The following SH3TC1 variants were observed in gnomAD, a reference collection of about 807,000 sequenced individuals.
SH3TC1 encodes the protein SH3 domain and tetratricopeptide repeats 1.
A neutral mutation model predicts 117.3 loss-of-function variants in SH3TC1; 135 were observed. The ratio of observed to expected loss-of-function variants is 1.15; its 90% CI spans 1.00 to 1.33. The LOEUF (loss-of-function observed/expected upper bound fraction) is 1.33, where lower values mean the gene tolerates loss of function less well. Ranked by LOEUF, SH3TC1 falls within the 40% of genes most tolerant of loss-of-function variation. The pLI is 0.00. For missense variants in SH3TC1, 2,092 were observed against 1,794.3 expected (o/e 1.17, Z -3.00); for synonymous variants, 898 against 816.9 (o/e 1.10, Z -1.69).
In SH3TC1 at chr4:8,241,081, GTTTT is replaced by G; in HGVS notation, c.*127_*130del. On this transcript the variant is annotated 3_prime_UTR_variant, in exon 18 of 18. Transcript: ENST00000245105. ...GCAGGGGCCAAATAGCAATAAATGGGTTTTGTTTTTTTTTTGCAATAACTTATTG... is the reference window on the plus strand; with the variant it reads ...GCAGGGGCCAAATAGCAATAAATGGGGTTTTTTTTTTGCAATAACTTATTG... 1 of 1,332,756 alleles carries G rather than the reference GTTTT, an allele frequency of 7.5e-7. No homozygotes were observed. The highest frequency in any genetic ancestry group is 1.0e-6 in the Non-Finnish European group (1 of 997,318). 82.6% of individuals were successfully genotyped at this position (1,332,756 alleles called of 1,614,324 possible). A position where few individuals can be genotyped will look rare whatever the true frequency, so the allele number is the denominator to read the frequency against.
chr4:8,189,218 A>G (rs1578634134), intron 1 of SH3TC1, among the ~76,000 whole-genome samples: 1 of 152,224 alleles, frequency 6.6e-6, no homozygotes, highest in African/African-American at 2.4e-5. Flanking sequence ...ACGCTTGCAG[A>G]GTGTGGTGCT....
intron 17 of SH3TC1, among the ~76,000 whole-genome samples, chr4:8,239,427 C>T (rs1050138241): frequency 2.2e-4 from 28 of 126,318 alleles, no homozygotes; most frequent in African/African-American, 7.2e-4. Flanking sequence ...TACACAGGCA[C>T]ATGCACACAC....
In SH3TC1 at chr4:8,213,678, A is replaced by G. The variant is rs996469877; in HGVS notation, c.376-797A>G. ...TTTGGGCGAACGACGAAGAAGGATCACTTGAGCCCAGGAGTTTAAGACCAG... is the reference window on the plus strand; with the variant it reads ...TTTGGGCGAACGACGAAGAAGGATCGCTTGAGCCCAGGAGTTTAAGACCAG... On this transcript the variant is annotated intron_variant, in intron 4 of 17. Transcript: ENST00000245105. Among the ~76,000 whole-genome samples, 5 of 152,186 alleles carry G rather than the reference A, an allele frequency of 3.3e-5. No homozygotes were observed. In the East Asian group the frequency reaches 5.8e-4, roughly 18 times the overall value.
At position 8,205,374 on chromosome 4, in the gene SH3TC1, C is replaced by T. The variant is rs1718117123; in HGVS notation, c.172+8C>T. ...AGGCGCCAGTGAGAGGCGGTGAGTT[C>T]ATTCCACCCTCACCACCCGCCCTCC... On this transcript the variant is annotated splice_region_variant and intron_variant, in intron 2 of 17. Transcript: ENST00000245105. This position sits in a 1 kb window ranked among gnomAD's most constrained non-coding sequence, Gnocchi z 5.4. The T allele has an allele frequency of 6.5e-7, 1 of 1,543,004 alleles. No individual in the cohort carries two copies.
In SH3TC1 at chr4:8,233,468, C is replaced by T. The variant is rs752719231; in HGVS notation, c.3237C>T (p.Ile1079=). 3.1e-6 allele frequency: 5 copies of T among 1,613,794 alleles called. No homozygotes were observed. The Admixed American group carries it at 6.7e-5, about 22-fold the overall frequency. ...EAHAWLQAGK[I]YYILRQSELV... ...ATGCCTGGCTGCAAGCAGGGAAGAT[C>T]TATTACATCTTGCGGCAGAGCGAGC... Residue 1079 remains isoleucine, a synonymous_variant, in exon 14 of 18, where the codon ATC becomes ATT. Transcript: ENST00000245105.
Position 8,205,378 on chromosome 4 carries a change from C to T in SH3TC1, c.172+12C>T, listed in dbSNP as rs760402009. 1.3e-6 allele frequency: 2 copies of T among 1,536,546 alleles called. No homozygotes were observed. The highest frequency in any genetic ancestry group is 2.4e-5 in the South Asian group (2 of 81,810). On this transcript the variant is annotated intron_variant, in intron 2 of 17. Transcript: ENST00000245105. This position sits in a 1 kb window ranked among gnomAD's most constrained non-coding sequence, Gnocchi z 5.4. ...GCCAGTGAGAGGCGGTGAGTTCATT[C>T]CACCCTCACCACCCGCCCTCCATCC... is the stretch of plus-strand genomic sequence containing the variant.
intron 13 of SH3TC1, chr4:8,232,898 C>G (rs1400378249): frequency 8.3e-7 from 1 of 1,203,470 alleles, no homozygotes; most frequent in Non-Finnish European, 1.1e-6. Flanking sequence ...TCCATGTCAC[C>G]TAGGAGCTTG....
At position 8,232,124 on chromosome 4, in the gene SH3TC1, C is replaced by G. The variant is rs1333996346; in HGVS notation, c.3099C>G (p.Ile1033Met). ...TGGAGGGGCAGCTCCTGGAGACCAT[C>G]AGCCAGCTCTACCTGTCCCTGGGCA... is the stretch of plus-strand genomic sequence containing the variant. ...KVLEGQLLET[I>M]SQLYLSLGTE... is the part of the protein sequence containing the mutation. The change falls in exon 13 of 18, where the codon ATC becomes ATG. Residue 1033 changes from isoleucine to methionine, a missense_variant. Ile to Met is a conservative substitution (Grantham distance 10). Transcript: ENST00000245105. The G allele has an allele frequency of 1.9e-6, 3 of 1,610,490 alleles. No homozygotes were observed. Among genetic ancestry groups the G allele is most frequent in the Non-Finnish European group, 2.5e-6 (3 of 1,179,684 alleles).
chr4:8,230,707 C>T (rs1398058494), intron 12 of SH3TC1, among the ~76,000 whole-genome samples: 4 of 151,042 alleles, frequency 2.6e-5, no homozygotes, highest in South Asian at 4.2e-4. Flanking sequence ...TCTTTCTTTG[C>T]ATGTAGACAT....
chr4:8,233,703 T>C (rs1721472812), intron 14 of SH3TC1, among the ~76,000 whole-genome samples, 190 bp downstream of exon 14: 1 of 151,448 alleles, frequency 6.6e-6, no homozygotes, highest in East Asian at 2.0e-4. Context: ...CCATCATCCA[T>C]CCATCCATCC....
chr4:8,229,600 G>T (rs539381230), intron 12 of SH3TC1, among the ~76,000 whole-genome samples: 15 of 152,010 alleles, frequency 9.9e-5, no homozygotes, highest in African/African-American at 3.6e-4. Flanking sequence ...TTGGTTGGGT[G>T]CTGGATGGTG....
chr4:8,240,573 G>A, intron 17 of SH3TC1, 125 bp from the exon 18 acceptor site: 1 of 1,473,708 alleles, frequency 6.8e-7, no homozygotes, highest in South Asian at 1.3e-5. Flanking sequence ...CAGTGTCACA[G>A]GCTTCGGGGC....
At chr4:8,220,376 C>T (rs1309661361) in intron 9 of SH3TC1, among the ~76,000 whole-genome samples, 3 of 142,982 alleles carry the variant, frequency 2.1e-5, no homozygotes, top group Non-Finnish European at 3.2e-5. Flanking sequence ...CATCAGCCCC[C>T]GTGGCTCCTC....
intron 8 of SH3TC1, among the ~76,000 whole-genome samples, chr4:8,219,090 G>A (rs1719636939): frequency 6.6e-6 from 1 of 152,150 alleles, no homozygotes; most frequent in Non-Finnish European, 1.5e-5. Flanking sequence ...GCTGATGGCC[G>A]AGGCTTATTT....
At position 8,183,123 on chromosome 4, in the gene SH3TC1, T is replaced by A. The variant is rs1490488683; in HGVS notation, c.-57+913T>A. Among the ~76,000 whole-genome samples, 1 of 152,088 alleles carries A rather than the reference T, an allele frequency of 6.6e-6. No individual in the cohort carries two copies. On this transcript the variant is annotated intron_variant, in intron 1 of 16. Transcript: ENST00000508641. The surrounding 1 kb of genome is among the most constrained non-coding windows in gnomAD (Gnocchi z 5.4). ...TGAGCCTCAGTTTCTCAGCATGCCA[T>A]CCGCCTGGCGACCTTGCCTCCCTCT...
chr4:8,217,798 T>C (rs1228914463), intron 7 of SH3TC1, among the ~76,000 whole-genome samples: 1 of 152,214 alleles, frequency 6.6e-6, no homozygotes, highest in Non-Finnish European at 1.5e-5. Context: ...AAAGAGGGAT[T>C]GTCAGTCATC....
At chr4:8,189,852 G>A (rs1578634751) in intron 1 of SH3TC1, among the ~76,000 whole-genome samples, 2 of 152,294 alleles carry the variant, frequency 1.3e-5, no homozygotes, top group African/African-American at 4.8e-5. Context: ...GTGGCCCTTA[G>A]AGAAGGCATG....
At chr4:8,233,653 T>A (rs1381932812) in intron 14 of SH3TC1, 140 bp downstream of exon 14, 1 of 1,061,762 alleles carries the variant, frequency 9.4e-7, no homozygotes, top group African/African-American at 1.6e-5. Context: ...CATCCATCCT[T>A]CCATCATCTA....
At chr4:8,233,145 T>A in intron 13 of SH3TC1, 1 of 1,377,976 alleles carries the variant, frequency 7.3e-7, no homozygotes, top group South Asian at 1.7e-5. Flanking sequence ...CAGGGCAGCA[T>A]GATGCCCAGT....
Sources: allele counts gnomAD v4.1 joint callset (sites outside exome capture counted in the v4.1 genomes callset), GRCh38; gene constraint gnomAD v4.1.1; non-coding constraint Gnocchi (gnomAD v3.1); transcripts MANE v1.5; gene names NCBI Gene and HGNC (gene_info 2026-07-23, HGNC 2026-07-21).